PSD3: variants seen among roughly 807,000 people sequenced by gnomAD.
PSD3 encodes the protein PH and SEC7 domain-containing protein 3.
A neutral mutation model predicts 105.5 loss-of-function variants in PSD3; 49 were observed. The ratio of observed to expected loss-of-function variants is 0.46; its 90% CI spans 0.37 to 0.59. The LOEUF is 0.59. Ranked by LOEUF, PSD3 falls within the 20% of genes least tolerant of loss-of-function variation. The pLI, the probability that PSD3 is intolerant of heterozygous loss-of-function variation, is 0.00. For missense variants in PSD3, 1,561 were observed against 1,263.8 expected, an observed-to-expected ratio of 1.24 and a Z score of -3.57; for synonymous variants, 557 against 457.8, an observed-to-expected ratio of 1.22 and a Z score of -2.77.
chr8:18,682,677 C>T (rs1351001901), intron 9 of PSD3, among the ~76,000 whole-genome samples: 1 of 152,172 alleles, frequency 6.6e-6, no homozygotes, highest in Non-Finnish European at 1.5e-5. Context: ...CAACATATTT[C>T]TTAAAGTCAC....
chr8:18,801,307 T>C lies in PSD3; in HGVS notation c.1986A>G (p.Arg662=). 6.2e-7 allele frequency: 1 copy of C among 1,605,502 alleles called. No individual in the cohort carries two copies. The highest frequency in any genetic ancestry group is 8.5e-7 in the Non-Finnish European group (1 of 1,173,934). ...RERVLIHFSN[R]YFYCNPDTIA... ...TGGTATCTGGGTTACAATAAAAATA[T>C]CTATTGGAGAAGTGTATTAAAACTC... The change falls in exon 7 of 16, where the codon AGA becomes AGG. Residue 662 remains arginine, a synonymous_variant. Coordinates refer to ENST00000327040, the MANE Select transcript of PSD3 (RefSeq NM_015310.4).
chr8:18,690,228 T>G (rs892994609), intron 9 of PSD3, among the ~76,000 whole-genome samples: 15 of 152,178 alleles, frequency 9.9e-5, no homozygotes, highest in African/African-American at 3.6e-4. Flanking sequence ...CTTGGAGTCC[T>G]GAAACGTATG....
At chr8:19,070,214 G>C (rs1829206693) in intron 1 of PSD3, among the ~76,000 whole-genome samples, 2 of 152,060 alleles carry the variant, frequency 1.3e-5, no homozygotes, top group African/African-American at 4.8e-5. Flanking sequence ...TTGTCCTGTA[G>C]ATAGCATTCG....
At chr8:18,607,989 G>A (rs553883763) in intron 11 of PSD3, among the ~76,000 whole-genome samples, 41 of 152,248 alleles carry the variant, frequency 2.7e-4, no homozygotes, top group African/African-American at 9.9e-4. Context: ...TGAGAGTAAT[G>A]GCCCCCAACA....
chr8:18,883,727 A>G (rs1818271647), intron 2 of PSD3, among the ~76,000 whole-genome samples: 1 of 152,184 alleles, frequency 6.6e-6, no homozygotes, highest in African/African-American at 2.4e-5. Context: ...TTAAAATAGA[A>G]ATGTACGGGG....
In PSD3 at chr8:18,884,108, A is replaced by G. The variant is rs542552260; in HGVS notation, c.131-11375T>C. Among the ~76,000 whole-genome samples, 3 of 152,232 alleles carry G rather than the reference A, an allele frequency of 2.0e-5. No individual in the cohort carries two copies. In the South Asian group the frequency reaches 6.2e-4, roughly 32 times the overall value. On this transcript the variant is annotated intron_variant, in intron 2 of 15. Transcript: ENST00000327040. ...GACGAGGGCAGGAAAAAGAGTGACC[A>G]CTCTGATCCCTTAGTGTGAAATTTC...
At chr8:18,788,628 G>C (rs1809410641) in intron 8 of PSD3, among the ~76,000 whole-genome samples, 1 of 152,160 alleles carries the variant, frequency 6.6e-6, no homozygotes, top group South Asian at 2.1e-4. Context: ...TGGAAGCTTT[G>C]CGGAAAACGT....
intron 4 of PSD3, among the ~76,000 whole-genome samples, chr8:18,827,083 G>A (rs1193656913): frequency 6.6e-6 from 1 of 152,182 alleles, no homozygotes; most frequent in Admixed American, 6.5e-5. Flanking sequence ...ACTGATATCA[G>A]TTACCAAGCA....
chr8:19,071,166 T>A (rs10110975), intron 1 of PSD3, among the ~76,000 whole-genome samples: 1,998 of 152,056 alleles, frequency 0.013, 37 homozygotes, highest in African/African-American at 0.047. Flanking sequence ...TTCAAGTGAT[T>A]CTCGTGCCTC....
At chr8:18,745,905 T>C (rs2129436080) in intron 9 of PSD3, among the ~76,000 whole-genome samples, 1 of 152,104 alleles carries the variant, frequency 6.6e-6, no homozygotes, top group Non-Finnish European at 1.5e-5. Context: ...TCTTATCATC[T>C]ATAGTATGTT....
intron 15 of PSD3, among the ~76,000 whole-genome samples, chr8:18,546,535 AT>A (rs1269392143): frequency 2.6e-5 from 4 of 152,234 alleles, no homozygotes; most frequent in Non-Finnish European, 5.9e-5. Flanking sequence ...TGATGATTTA[AT>A]ATGGAAAAAA....
chr8:18,910,335 T>C (rs1390052036), intron 2 of PSD3, among the ~76,000 whole-genome samples: 3 of 137,410 alleles, frequency 2.2e-5, no homozygotes, highest in South Asian at 2.6e-4. Flanking sequence ...ATATCCTTTG[T>C]AGGGACATGG....
intron 1 of PSD3, among the ~76,000 whole-genome samples, chr8:18,948,839 A>C (rs1823022151): frequency 6.7e-6 from 1 of 148,978 alleles, no homozygotes; most frequent in African/African-American, 2.5e-5. Flanking sequence ...ACAGGTGCTA[A>C]ATGTGATTTT....
chr8:18,978,458 T>C (rs1196696906), intron 1 of PSD3, among the ~76,000 whole-genome samples: 2 of 152,210 alleles, frequency 1.3e-5, no homozygotes, highest in African/African-American at 2.4e-5. Flanking sequence ...ATCCTTTTGC[T>C]AAGATTCAAA....
chr8:18,821,657 T>C (rs1812716688), intron 4 of PSD3, among the ~76,000 whole-genome samples: 1 of 148,394 alleles, frequency 6.7e-6, no homozygotes, highest in Non-Finnish European at 1.5e-5. Flanking sequence ...AGCAATGTCA[T>C]TTTAATTCCA....
rs115463069 is a variant in PSD3, at chr8:18,825,991, C to A, written c.1635-21093G>T. ...TGAGGCTGCTTCTAGAAGAGATGAGCGTTTGAGTGGTGGACTGAGTAAAGC... is the reference window on the plus strand; with the variant it reads ...TGAGGCTGCTTCTAGAAGAGATGAGAGTTTGAGTGGTGGACTGAGTAAAGC... On this transcript the variant is annotated intron_variant, in intron 4 of 15. Coordinates refer to ENST00000327040, the MANE Select transcript of PSD3 (RefSeq NM_015310.4). Among the ~76,000 whole-genome samples the A allele has an allele frequency of 7.6e-3, 1,157 of 152,226 alleles. 21 individuals carry two copies. Among genetic ancestry groups the A allele is most frequent in the African/African-American group, 0.026 (1,088 of 41,530 alleles).
At chr8:18,634,720 A>G (rs1440346084) in intron 10 of PSD3, among the ~76,000 whole-genome samples, 1 of 152,134 alleles carries the variant, frequency 6.6e-6, no homozygotes, top group African/African-American at 2.4e-5. Context: ...ATGACTGGAT[A>G]GACGTTATGC....
In PSD3 at chr8:18,920,507, A is replaced by C. The variant is rs549086689; in HGVS notation, c.130+15527T>G. 5.4e-4 allele frequency among the ~76,000 whole-genome samples: 83 copies of C among 152,314 alleles called. 2 individuals are homozygous for C. In the South Asian group the frequency reaches 0.017, roughly 30 times the overall value. ...CTGCTTTCTTGGATGTGATACTTTGAAATAGTAAACAACTTTTAGTAAATT... is the reference window on the plus strand; with the variant it reads ...CTGCTTTCTTGGATGTGATACTTTGCAATAGTAAACAACTTTTAGTAAATT... On this transcript the variant is annotated intron_variant, in intron 2 of 15. Coordinates refer to ENST00000327040, the MANE Select transcript of PSD3 (RefSeq NM_015310.4).
chr8:18,842,654 AC>A, intron 4 of PSD3, among the ~76,000 whole-genome samples: 1 of 152,070 alleles, frequency 6.6e-6, no homozygotes, highest in East Asian at 1.9e-4. Context: ...AATGGCGTGA[AC>A]CCGGGATGCG....
Sources: allele counts gnomAD v4.1 joint callset (sites outside exome capture counted in the v4.1 genomes callset), GRCh38; gene constraint gnomAD v4.1.1; transcripts MANE v1.5; gene names NCBI Gene and HGNC (gene_info 2026-07-23, HGNC 2026-07-21).